PHLPP1: variants seen among roughly 807,000 people sequenced by gnomAD.
The protein encoded by PHLPP1 is PH domain leucine-rich repeat-containing protein phosphatase 1.
In PHLPP1, 42 loss-of-function variants were observed where a neutral mutation model predicts 117.2. The ratio of observed to expected loss-of-function variants is 0.36; its 90% CI spans 0.28 to 0.46. The LOEUF (loss-of-function observed/expected upper bound fraction) is 0.46, where lower values mean the gene tolerates loss of function less well. Ranked by LOEUF, PHLPP1 falls within the 20% of genes least tolerant of loss-of-function variation. The pLI is 1.00. For missense variants in PHLPP1, 2,084 were observed against 2,241.9 expected, an observed-to-expected ratio of 0.93 and a Z score of 1.42; for synonymous variants, 1,042 against 970.7, an observed-to-expected ratio of 1.07 and a Z score of -1.37.
chr18:62,961,578 AG>A (rs1308724206), intron 13 of PHLPP1, among the ~76,000 whole-genome samples: 7 of 152,248 alleles, frequency 4.6e-5, no homozygotes, highest in East Asian at 3.8e-4. Context: ...ATGGTATCTA[AG>A]AGCCTTAGGA....
chr18:62,912,761 A>G (rs1916992696), intron 8 of PHLPP1, among the ~76,000 whole-genome samples: 1 of 152,088 alleles, frequency 6.6e-6, no homozygotes, highest in African/African-American at 2.4e-5. Flanking sequence ...CTGGGATTAC[A>G]GGCACACACC....
intron 6 of PHLPP1, among the ~76,000 whole-genome samples, chr18:62,896,297 T>G (rs548895290): frequency 2.1e-3 from 318 of 148,976 alleles, no homozygotes; most frequent in African/African-American, 7.5e-3. Flanking sequence ...TTGTTCTTGT[T>G]TTTTTTTTTT....
At chr18:62,869,985 C>T (rs572151015) in intron 4 of PHLPP1, among the ~76,000 whole-genome samples, 3 of 152,288 alleles carry the variant, frequency 2.0e-5, no homozygotes, top group African/African-American at 7.2e-5. Context: ...CTCTGCCTCC[C>T]AGGTTCAAGC....
At chr18:62,884,631 T>C (rs1916242799) in intron 4 of PHLPP1, among the ~76,000 whole-genome samples, 1 of 152,218 alleles carries the variant, frequency 6.6e-6, no homozygotes, top group African/African-American at 2.4e-5. Flanking sequence ...AGCCTAATAA[T>C]TTCCAAAGTG....
chr18:62,975,011 G>A (rs1599149377), intron 15 of PHLPP1, among the ~76,000 whole-genome samples: 1 of 152,156 alleles, frequency 6.6e-6, no homozygotes, highest in Non-Finnish European at 1.5e-5. Context: ...GGGGACAGAG[G>A]GGATTTAGAG....
At chr18:62,862,806 C>A (rs751966779) in intron 4 of PHLPP1, among the ~76,000 whole-genome samples, 20 of 152,112 alleles carry the variant, frequency 1.3e-4, no homozygotes, top group Non-Finnish European at 2.2e-4. Context: ...AAATAACTTT[C>A]GTGTGTCATC....
At chr18:62,741,023 C>CAAATAT (rs1250264860) in intron 1 of PHLPP1, among the ~76,000 whole-genome samples, 1 of 152,012 alleles carries the variant, frequency 6.6e-6, no homozygotes, top group Non-Finnish European at 1.5e-5. Context: ...TTACTGATGT[C>CAAATAT]TTCAGATCAT....
intron 2 of PHLPP1, among the ~76,000 whole-genome samples, chr18:62,837,045 A>G (rs986741137): frequency 1.2e-4 from 18 of 152,166 alleles, no homozygotes; most frequent in African/African-American, 3.6e-4. Context: ...GCAGTGGTAT[A>G]GTTACTCCAC....
chr18:62,965,452 C>CTTTTTTTTTTT (rs34187461), intron 14 of PHLPP1, among the ~76,000 whole-genome samples: 2 of 76,144 alleles, frequency 2.6e-5, no homozygotes, highest in Non-Finnish European at 4.7e-5. Context: ...TAATCAGCCT[C>CTTTTTTTTTTT]TTTTTTTTTT....
intron 3 of PHLPP1, chr18:62,839,271 TTC>T (rs1238247734): frequency 5.5e-6 from 1 of 182,850 alleles, no homozygotes; most frequent in Non-Finnish European, 1.1e-5. Context: ...TTTCCCTTCT[TTC>T]TCTGACTGTT....
chr18:62,776,759 G>A (rs898500691), intron 1 of PHLPP1, among the ~76,000 whole-genome samples: 4 of 151,794 alleles, frequency 2.6e-5, no homozygotes, highest in South Asian at 2.1e-4. Context: ...ACAGGTACCC[G>A]CCACCACACC....
chr18:62,771,886 T>C (rs191308243), intron 1 of PHLPP1, among the ~76,000 whole-genome samples: 192 of 152,374 alleles, frequency 1.3e-3, no homozygotes, highest in Admixed American at 2.1e-3. Flanking sequence ...GTGTTAACAA[T>C]GTCCATTGCC....
chr18:62,950,670 G>A (rs954149524), intron 12 of PHLPP1, among the ~76,000 whole-genome samples: 4 of 152,156 alleles, frequency 2.6e-5, no homozygotes, highest in African/African-American at 9.7e-5. Context: ...CATAATAGAC[G>A]TAAAAACGTC....
At chr18:62,864,348 T>G (rs1915715813) in intron 4 of PHLPP1, among the ~76,000 whole-genome samples, 1 of 152,192 alleles carries the variant, frequency 6.6e-6, no homozygotes, top group African/African-American at 2.4e-5. Flanking sequence ...AGGAGATCTT[T>G]AATCCTAAGG....
chr18:62,945,023 C>A, intron 11 of PHLPP1, 86 bp from the exon 12 acceptor site: 1 of 1,020,748 alleles, frequency 9.8e-7, no homozygotes, highest in Non-Finnish European at 1.4e-6. Flanking sequence ...ACAAATGAAT[C>A]CTTAAAGTCA....
intron 1 of PHLPP1, among the ~76,000 whole-genome samples, chr18:62,825,047 C>T (rs2144326241): frequency 6.6e-6 from 1 of 152,060 alleles, no homozygotes; most frequent in Non-Finnish European, 1.5e-5. Flanking sequence ...CTCCCTCAGT[C>T]TCCCGGGTTC....
intron 12 of PHLPP1, among the ~76,000 whole-genome samples, chr18:62,958,401 A>G (rs897084356): frequency 6.6e-6 from 1 of 152,246 alleles, no homozygotes; most frequent in Non-Finnish European, 1.5e-5. Flanking sequence ...AGAATAAAGA[A>G]CATGGATTTT....
intron 4 of PHLPP1, among the ~76,000 whole-genome samples, chr18:62,885,867 C>T (rs771955901): frequency 2.6e-5 from 4 of 152,092 alleles, no homozygotes; most frequent in Non-Finnish European, 5.9e-5. Flanking sequence ...CAAGTGTAGA[C>T]AGTGATACAT....
At chr18:62,877,226 A>G (rs1470111305) in intron 4 of PHLPP1, among the ~76,000 whole-genome samples, 1 of 152,214 alleles carries the variant, frequency 6.6e-6, no homozygotes, top group African/African-American at 2.4e-5. Flanking sequence ...ACTTATCATT[A>G]CCAAAAGCCC....
Sources: gnomAD v4.1 joint callset for allele counts (sites outside exome capture counted in the v4.1 genomes callset) on GRCh38, gnomAD v4.1.1 for gene constraint, MANE v1.5 for transcripts, NCBI Gene and HGNC (gene_info 2026-07-23, HGNC 2026-07-21) for gene names.